Variants in GPC5 observed in about 807,000 individuals in gnomAD.
GPC5 encodes glypican 5, also known as glypican-5.
In GPC5, 47 loss-of-function variants were observed where a neutral mutation model predicts 53.9. The observed-to-expected ratio is 0.87, with a 90% confidence interval of 0.69 to 1.11. The LOEUF (loss-of-function observed/expected upper bound fraction) is 1.11. GPC5 is among the 50% of genes most tolerant of loss of function. GPC5 has a pLI of 0.00. For missense variants in GPC5, 748 were observed against 713.1 expected, an observed-to-expected ratio of 1.05 and a Z score of -0.56; for synonymous variants, 286 against 263.3, an observed-to-expected ratio of 1.09 and a Z score of -0.84.
chr13:92,185,835 A>G (rs891693660), intron 7 of GPC5, among the ~76,000 whole-genome samples: 1 of 152,158 alleles, frequency 6.6e-6, no homozygotes, highest in African/African-American at 2.4e-5. Context: ...TTCAATAACT[A>G]TTAGGTTCTC....
At chr13:92,234,429 ATG>A (rs1275235198) in intron 7 of GPC5, among the ~76,000 whole-genome samples, 1 of 152,060 alleles carries the variant, frequency 6.6e-6, no homozygotes, top group Admixed American at 6.6e-5. Flanking sequence ...GCATTTTTTA[ATG>A]TGTCTTTTGG....
At chr13:91,859,339 T>C (rs1297601173) in intron 5 of GPC5, among the ~76,000 whole-genome samples, 2 of 151,958 alleles carry the variant, frequency 1.3e-5, no homozygotes, top group African/African-American at 4.8e-5. Context: ...TGGTATGTTG[T>C]GTTTCCATTT....
At chr13:92,061,093 C>G (rs1198626672) in intron 6 of GPC5, among the ~76,000 whole-genome samples, 1 of 101,636 alleles carries the variant, frequency 9.8e-6, no homozygotes, top group African/African-American at 3.6e-5. Context: ...AACCTGGGTG[C>G]TGTTAGATAA....
intron 6 of GPC5, among the ~76,000 whole-genome samples, chr13:92,085,478 T>C (rs1190168783): frequency 6.6e-6 from 1 of 152,136 alleles, no homozygotes; most frequent in Non-Finnish European, 1.5e-5. Context: ...TGAAGGGAAA[T>C]AGAGCAACAT....
At chr13:91,722,195 C>T (rs182446980) in intron 3 of GPC5, among the ~76,000 whole-genome samples, 1 of 152,222 alleles carries the variant, frequency 6.6e-6, no homozygotes, top group African/African-American at 2.4e-5. Context: ...AATTGAAATC[C>T]TTGGTCAATT....
chr13:92,836,680 G>A (rs1329065761), intron 7 of GPC5, among the ~76,000 whole-genome samples: 2 of 152,022 alleles, frequency 1.3e-5, no homozygotes, highest in Admixed American at 6.6e-5. Flanking sequence ...AGATTTAAGA[G>A]TAATGTAAAA....
chr13:91,479,956 T>C (rs971961404), intron 2 of GPC5, among the ~76,000 whole-genome samples: 2 of 152,230 alleles, frequency 1.3e-5, no homozygotes, highest in African/African-American at 2.4e-5. Flanking sequence ...TGCTTTGGAC[T>C]ATATAAGTTT....
chr13:92,170,278 C>A (rs1480562751), intron 7 of GPC5, among the ~76,000 whole-genome samples: 3 of 151,794 alleles, frequency 2.0e-5, no homozygotes, highest in Admixed American at 2.0e-4. Flanking sequence ...ACAATCCATG[C>A]ATAAGATTCT....
chr13:91,788,822 A>AT (rs2138741309), intron 5 of GPC5, among the ~76,000 whole-genome samples: 1 of 152,296 alleles, frequency 6.6e-6, no homozygotes, highest in African/African-American at 2.4e-5. Flanking sequence ...AAAACAATAC[A>AT]TTTGGGGGGA....
At chr13:92,409,313 A>G (rs1875941768) in intron 7 of GPC5, among the ~76,000 whole-genome samples, 1 of 151,896 alleles carries the variant, frequency 6.6e-6, no homozygotes, top group Non-Finnish European at 1.5e-5. Context: ...AACAATTAAA[A>G]GAAAATATTT....
intron 2 of GPC5, among the ~76,000 whole-genome samples, chr13:91,495,438 C>T (rs1884197137): frequency 6.6e-6 from 1 of 152,158 alleles, no homozygotes; most frequent in Non-Finnish European, 1.5e-5. Flanking sequence ...TAGAAGAGTC[C>T]TGCTGTGGCT....
At chr13:91,983,270 C>T (rs2040376895) in intron 6 of GPC5, among the ~76,000 whole-genome samples, 1 of 151,842 alleles carries the variant, frequency 6.6e-6, no homozygotes, top group South Asian at 2.1e-4. Flanking sequence ...GGCGAGAACC[C>T]GGGAGGCGGA....
At chr13:91,410,494 C>T (rs572146038) in intron 1 of GPC5, among the ~76,000 whole-genome samples, 145 of 147,524 alleles carry the variant, frequency 9.8e-4, no homozygotes, top group Non-Finnish European at 1.9e-3. Flanking sequence ...CACAGGCACC[C>T]GCCACCACAC....
chr13:92,323,281 T>G (rs1464934772), intron 7 of GPC5, among the ~76,000 whole-genome samples: 1 of 150,308 alleles, frequency 6.7e-6, no homozygotes, highest in African/African-American at 2.4e-5. Flanking sequence ...TTTCCCCATG[T>G]TTTACCAAAA....
chr13:91,737,238 T>C (rs527955164), intron 4 of GPC5, among the ~76,000 whole-genome samples: 2 of 151,662 alleles, frequency 1.3e-5, no homozygotes, highest in East Asian at 3.9e-4. Flanking sequence ...TTTGATGATA[T>C]GGCATTTAGC....
chr13:91,680,431 A>C (rs2035481014), intron 2 of GPC5, among the ~76,000 whole-genome samples: 1 of 152,238 alleles, frequency 6.6e-6, no homozygotes, highest in African/African-American at 2.4e-5. Flanking sequence ...CCTGGGCGAC[A>C]GAGCAAGACT....
At chr13:91,498,239 A>ATTTTTTTTTTTTTTT (rs60732957) in intron 2 of GPC5, among the ~76,000 whole-genome samples, 1 of 110,234 alleles carries the variant, frequency 9.1e-6, no homozygotes, top group Non-Finnish European at 1.8e-5. Flanking sequence ...CTACCCAAAG[A>ATTTTTTTTTTTTTTT]TTTTTTTTTT....
intron 2 of GPC5, among the ~76,000 whole-genome samples, chr13:91,666,723 C>T (rs564207837): frequency 1.3e-5 from 2 of 152,018 alleles, no homozygotes; most frequent in African/African-American, 4.8e-5. Flanking sequence ...CATTTTATAC[C>T]TATTATGCAT....
In GPC5 at chr13:91,693,881, G is replaced by C. The variant is rs1207421343; in HGVS notation, c.1020G>C (p.Gln340His). The stretch of plus-strand genomic sequence containing the variant: ...TCAATGGACAAAAATTATTGGAACA[G>C]GTAAGTAGGAGCTCCACATTTTCAG... Reference protein sequence around the residue: ...AHLNGQKLLEQVNRICGRPVR... With the variant: ...AHLNGQKLLEHVNRICGRPVR... Residue 340 changes from glutamine to histidine, a missense_variant and splice_region_variant, in exon 3 of 8, where the codon CAG (glutamine) becomes CAC (histidine). Gln to His is a conservative substitution (Grantham distance 24, BLOSUM62 0). Transcript: ENST00000377067. The C allele has an allele frequency of 6.3e-7, 1 of 1,578,652 alleles. No homozygotes were observed. The highest frequency in any genetic ancestry group is 1.1e-5 in the South Asian group (1 of 89,186).
Sources: gnomAD v4.1 joint callset for allele counts (sites outside exome capture counted in the v4.1 genomes callset) on GRCh38, gnomAD v4.1.1 for gene constraint, MANE v1.5 for transcripts, NCBI Gene and HGNC (gene_info 2026-07-23, HGNC 2026-07-21) for gene names.